WDR20: variants seen among roughly 807,000 people sequenced by gnomAD.
WDR20 encodes the protein WD repeat domain 20, also known as WD repeat-containing protein 20.
WDR20 carries 3 observed loss-of-function variants against 38.7 expected under a neutral mutation model. That is an observed-to-expected ratio of 0.08 (90% CI 0.04 to 0.20). The LOEUF (loss-of-function observed/expected upper bound fraction) is 0.20, where lower values mean the gene tolerates loss of function less well. Among genes scored for constraint, WDR20 ranks in the 10% least tolerant of loss-of-function variants. WDR20 has a pLI of 1.00. For synonymous variants in WDR20, 298 were observed against 285.6 expected (o/e 1.04, Z -0.44); for missense variants, 559 against 727.7 (o/e 0.77, Z 2.67).
chr14:102,223,050 G>A (rs1031220740), exon 4 of WDR20: 22 of 663,166 alleles, frequency 3.3e-5, no homozygotes, highest in Middle Eastern at 4.1e-4. Context: ...CCGTGCTCCC[G>A]CTGCTCACCC....
chr14:102,151,299 T>G (rs2055762067), intron 1 of WDR20, among the ~76,000 whole-genome samples: 1 of 152,102 alleles, frequency 6.6e-6, no homozygotes, highest in Admixed American at 6.5e-5. Context: ...CACGAGCTTT[T>G]CTGTCAAAAA....
chr14:102,209,594 A>G lies in WDR20; in HGVS notation c.1424A>G (p.Glu475Gly). The G allele has an allele frequency of 6.2e-7, 1 of 1,614,242 alleles. No homozygotes were observed. The highest frequency in any genetic ancestry group is 8.5e-7 in the Non-Finnish European group (1 of 1,180,052). ...CATGACCGGAAGGAGAGGCACCACG[A>G]GAAAGATCACAAGCGAAATCATAGC... ...SLHDRKERHH[E>G]KDHKRNHSMG... Residue 475 changes from glutamate to glycine, a missense_variant, in exon 3 of 3, where the codon GAG becomes GGG. By Grantham distance (98) the Glu-to-Gly change is moderately conservative. Coordinates refer to ENST00000342702, the MANE Select transcript of WDR20 (RefSeq NM_144574.4). This position sits in a 1 kb window ranked among gnomAD's most constrained non-coding sequence, Gnocchi z 6.0.
Position 102,221,651 on chromosome 14 carries a change from G to A in WDR20, c.1693-1179G>A, listed in dbSNP as rs566481925. Among the ~76,000 whole-genome samples the A allele has an allele frequency of 6.6e-6, 1 of 152,338 alleles. No individual in the cohort carries two copies. The highest frequency in any genetic ancestry group is 1.9e-4 in the East Asian group (1 of 5,182). On this transcript the variant is annotated intron_variant, in intron 3 of 3. Coordinates refer to the WDR20 transcript ENST00000335263. The surrounding 1 kb of genome is among the most constrained non-coding windows in gnomAD (Gnocchi z 4.8). Reference sequence around the variant, plus strand: ...AGCTTGTCTAGGTGAACAGATTTCAGGTGGAAGGTAAGAAACGGGATGAAA... The same window carrying A: ...AGCTTGTCTAGGTGAACAGATTTCAAGTGGAAGGTAAGAAACGGGATGAAA...
At chr14:102,164,901 A>G (rs1013409458) in intron 1 of WDR20, among the ~76,000 whole-genome samples, 2 of 152,176 alleles carry the variant, frequency 1.3e-5, no homozygotes, top group Admixed American at 1.3e-4. Context: ...TCCATCACCA[A>G]AGGAAAAACT....
chr14:102,139,656 G>T (rs1217776399), upstream of WDR20: 4 of 647,806 alleles, frequency 6.2e-6, no homozygotes, highest in Admixed American at 5.9e-5. Flanking sequence ...CATCACCTGG[G>T]AAGCAGCCAT....
rs1233495152 is a variant in WDR20 at position 102,220,926 on chromosome 14, A to T, written c.1693-1904A>T. On this transcript the variant is annotated intron_variant, in intron 3 of 3. Coordinates refer to the WDR20 transcript ENST00000335263. The surrounding 1 kb of genome is among the most constrained non-coding windows in gnomAD (Gnocchi z 4.2). ...GCTGGGATGACAGCCGTGCGCCACC[A>T]CACCCGGCTAATTTTGTATTAGTAG... 2.0e-5 allele frequency among the ~76,000 whole-genome samples: 3 copies of T among 151,850 alleles called. No individual in the cohort carries two copies. In the South Asian group the frequency reaches 6.3e-4, roughly 32 times the overall value.
chr14:102,146,704 A>G (rs968831695), intron 1 of WDR20, among the ~76,000 whole-genome samples: 3 of 152,086 alleles, frequency 2.0e-5, no homozygotes, highest in Admixed American at 6.6e-5. Context: ...AGGGTGAACT[A>G]GATGCCTTTA....
chr14:102,173,866 A>T (rs2061507922), intron 1 of WDR20, among the ~76,000 whole-genome samples: 1 of 152,032 alleles, frequency 6.6e-6, no homozygotes, highest in African/African-American at 2.4e-5. Flanking sequence ...AACATGCTGA[A>T]ACCCCATCTC....
intron 1 of WDR20, among the ~76,000 whole-genome samples, chr14:102,192,822 T>C (rs1416404528): frequency 6.6e-6 from 1 of 152,202 alleles, no homozygotes; most frequent in African/African-American, 2.4e-5. Context: ...TAAGTGGTTG[T>C]TGCTGTCATT....
chr14:102,206,636 G>A (rs527728073), intron 2 of WDR20, among the ~76,000 whole-genome samples: 1 of 152,330 alleles, frequency 6.6e-6, no homozygotes, highest in Admixed American at 6.5e-5. Context: ...ACCAAAATCA[G>A]GACAGCAGTC....
chr14:102,215,124 C>A, downstream of WDR20: 2 of 432,222 alleles, frequency 4.6e-6, no homozygotes, highest in Non-Finnish European at 6.2e-6. Flanking sequence ...TATAGAACAG[C>A]CAGCCACCGG....
chr14:102,199,072 C>T (rs1795228966), intron 2 of WDR20, among the ~76,000 whole-genome samples: 1 of 152,144 alleles, frequency 6.6e-6, no homozygotes, highest in African/African-American at 2.4e-5. Flanking sequence ...CCTGATTATA[C>T]TCCAAGATTC....
At chr14:102,223,155 A>G in exon 4 of WDR20, 1 of 259,962 alleles carries the variant, frequency 3.8e-6, no homozygotes, top group South Asian at 6.9e-5. Flanking sequence ...ATTCAATGTA[A>G]TTAAATTTCA....
chr14:102,209,379 C>G lies in WDR20; in HGVS notation c.1209C>G (p.Val403=). 1 of 1,614,168 alleles carries G rather than the reference C, an allele frequency of 6.2e-7. No individual in the cohort carries two copies. The highest frequency in any genetic ancestry group is 8.5e-7 in the Non-Finnish European group (1 of 1,180,040). Residue 403 remains valine (V), a synonymous_variant, in exon 3 of 3, where the codon GTC becomes GTG. Coordinates refer to ENST00000342702, the MANE Select transcript of WDR20 (RefSeq NM_144574.4). This position sits in a 1 kb window ranked among gnomAD's most constrained non-coding sequence, Gnocchi z 6.0. ...PLSRARTHTN[V]MNATSPPAGS... is the part of the protein sequence containing the mutation. Reference sequence around the variant, plus strand: ...CAAGAGCAAGGACACACACAAATGTCATGAATGCCACGAGTCCTCCTGCTG... The same window carrying G: ...CAAGAGCAAGGACACACACAAATGTGATGAATGCCACGAGTCCTCCTGCTG...
chr14:102,179,470 A>G (rs956445561), intron 1 of WDR20, among the ~76,000 whole-genome samples: 3 of 150,068 alleles, frequency 2.0e-5, no homozygotes, highest in Non-Finnish European at 4.4e-5. Flanking sequence ...GAAAAAAGAA[A>G]TGGGGTCTCA....
At chr14:102,215,110 T>C (rs2063054812), downstream of WDR20, 1 of 557,554 alleles carries the variant, frequency 1.8e-6, no homozygotes, top group Non-Finnish European at 2.3e-6. Context: ...ACCTTGTTAA[T>C]GTTTATAGAA....
At chr14:102,206,273 C>T (rs1299386649) in intron 2 of WDR20, among the ~76,000 whole-genome samples, 5 of 152,286 alleles carry the variant, frequency 3.3e-5, no homozygotes, top group Non-Finnish European at 4.4e-5. Flanking sequence ...AGGCGTGAGC[C>T]GCCGCGCCTG....
Position 102,208,554 on chromosome 14 carries a change from C to T in WDR20, c.433-49C>T. The T allele has an allele frequency of 4.6e-6, 7 of 1,537,778 alleles. No homozygotes were observed. The South Asian group carries it at 7.7e-5, about 17-fold the overall frequency. On this transcript the variant is annotated intron_variant, in intron 2 of 2. Transcript: ENST00000342702. The surrounding 1 kb of genome is among the most constrained non-coding windows in gnomAD (Gnocchi z 5.6). ...CAAGTTTTCTTGCTGGAAAAGTAGA[C>T]CTTTGAGACTTCTCCGTTGTGCTAA...
chr14:102,213,043 C>A, downstream of WDR20: 1 of 990,020 alleles, frequency 1.0e-6, no homozygotes, highest in African/African-American at 1.7e-5. Flanking sequence ...GCGAGCTGGT[C>A]CCTGGGCGGT....
Sources: gnomAD v4.1 joint callset for allele counts (sites outside exome capture counted in the v4.1 genomes callset) on GRCh38, gnomAD v4.1.1 for gene constraint, Gnocchi (gnomAD v3.1) non-coding constraint, MANE v1.5 for transcripts, NCBI Gene and HGNC (gene_info 2026-07-23, HGNC 2026-07-21) for gene names.